Variants in CACNA2D3 observed in about 807,000 individuals in gnomAD.
The protein encoded by CACNA2D3 is voltage-dependent calcium channel subunit alpha-2/delta-3.
In CACNA2D3, 60 loss-of-function variants were observed where a neutral mutation model predicts 160.6. The ratio of observed to expected loss-of-function variants is 0.37; its 90% confidence interval spans 0.30 to 0.46. The LOEUF is 0.46. CACNA2D3 is among the 20% of genes least tolerant of loss of function. The pLI is 1.00. For missense variants in CACNA2D3, 1,205 were observed against 1,365.0 expected, an observed-to-expected ratio of 0.88 and a Z score of 1.85; for synonymous variants, 558 against 492.9, an observed-to-expected ratio of 1.13 and a Z score of -1.75.
At chr3:54,589,732 G>A (rs1299262929) in intron 9 of CACNA2D3, among the ~76,000 whole-genome samples, 1 of 152,110 alleles carries the variant, frequency 6.6e-6, no homozygotes, top group Non-Finnish European at 1.5e-5. Flanking sequence ...ATTTAAAAAT[G>A]GGCAAAAGCC....
At chr3:54,319,189 CA>C (rs1703934308) in intron 2 of CACNA2D3, among the ~76,000 whole-genome samples, 1 of 151,196 alleles carries the variant, frequency 6.6e-6, no homozygotes, top group African/African-American at 2.4e-5. Context: ...CACACACACA[CA>C]CACACACACA....
chr3:54,902,098 G>A (rs1197157860), intron 27 of CACNA2D3, among the ~76,000 whole-genome samples: 1 of 152,194 alleles, frequency 6.6e-6, no homozygotes, highest in African/African-American at 2.4e-5. Context: ...CAGCAGATGG[G>A]AGACAGCCGA....
intron 13 of CACNA2D3, among the ~76,000 whole-genome samples, chr3:54,813,968 G>T (rs1031672596): frequency 2.0e-5 from 3 of 150,444 alleles, no homozygotes; most frequent in African/African-American, 7.3e-5. Context: ...GGGCTCAGGT[G>T]ATTCTCCCCA....
chr3:54,160,963 A>G lies in CACNA2D3; in HGVS notation c.204+37369A>G, dbSNP rs960626395. Among the ~76,000 whole-genome samples the G allele has an allele frequency of 3.3e-5, 5 of 152,340 alleles. No homozygotes were observed. The South Asian group carries it at 6.2e-4, about 19-fold the overall frequency. On this transcript the variant is annotated intron_variant, in intron 2 of 37. Transcript: ENST00000474759. ...AAAAACATGAGCAAAGGCGAAGTCC[A>G]GCAGGCGAGTCCAGTGTGGGGAGGC... is the stretch of plus-strand genomic sequence containing the variant.
chr3:54,909,864 T>G (rs1462795083), intron 27 of CACNA2D3, among the ~76,000 whole-genome samples: 1 of 151,848 alleles, frequency 6.6e-6, no homozygotes, highest in Non-Finnish European at 1.5e-5. Flanking sequence ...AGAAGACAAT[T>G]CTTCTTCTTC....
At chr3:54,687,147 T>TTTTTTTTTTG (rs1700478300) in intron 11 of CACNA2D3, among the ~76,000 whole-genome samples, 1 of 79,412 alleles carries the variant, frequency 1.3e-5, no homozygotes, top group Non-Finnish European at 2.8e-5. Context: ...TTTTTTTTTT[T>TTTTTTTTTTG]TTTGTTTTTT....
At chr3:54,906,830 T>C (rs1358804276) in intron 27 of CACNA2D3, among the ~76,000 whole-genome samples, 4 of 152,194 alleles carry the variant, frequency 2.6e-5, no homozygotes, top group African/African-American at 7.2e-5. Flanking sequence ...GCAAACTTTA[T>C]AGAAATGGGT....
intron 17 of CACNA2D3, among the ~76,000 whole-genome samples, chr3:54,848,863 G>A (rs79003334): frequency 0.016 from 2,381 of 152,300 alleles, 64 homozygotes; most frequent in African/African-American, 0.055. Context: ...TGTTGTCACA[G>A]TAAATGAGAT....
chr3:54,722,801 C>T (rs1276869570), intron 11 of CACNA2D3, among the ~76,000 whole-genome samples: 1 of 152,174 alleles, frequency 6.6e-6, no homozygotes, highest in African/African-American at 2.4e-5. Flanking sequence ...AGATGCCAGC[C>T]AGAGCTCTCC....
chr3:54,642,238 A>C lies in CACNA2D3; in HGVS notation c.1164A>C (p.Arg388=). 6.2e-7 allele frequency: 1 copy of C among 1,600,030 alleles called. No individual in the cohort carries two copies. Among genetic ancestry groups the C allele is most frequent in the Non-Finnish European group, 8.5e-7 (1 of 1,169,672 alleles). ...TIFAKYNWPD[R]KVRIFTYLIG... is the part of the protein sequence containing the mutation. ...TTGCAAAATACAATTGGCCAGATCG[A>C]AAGGTAAGTTGATGCTGATCCCGTC... Residue 388 remains arginine, a synonymous_variant, in exon 11 of 38, where the codon CGA becomes CGC. Transcript: ENST00000474759.
At chr3:54,151,067 A>G (rs1430282262) in intron 2 of CACNA2D3, among the ~76,000 whole-genome samples, 1 of 150,672 alleles carries the variant, frequency 6.6e-6, no homozygotes, top group Non-Finnish European at 1.5e-5. Flanking sequence ...GTGTGGGTGG[A>G]TAGATGAATG....
chr3:54,187,349 C>CT (rs1553748424), intron 2 of CACNA2D3, among the ~76,000 whole-genome samples: 5 of 152,164 alleles, frequency 3.3e-5, no homozygotes, highest in Non-Finnish European at 4.4e-5. Context: ...TAGACAGAAA[C>CT]TACAGAGATT....
intron 20 of CACNA2D3, among the ~76,000 whole-genome samples, 171 bp downstream of exon 20, chr3:54,879,582 G>C (rs78258914): frequency 0.05 from 7,588 of 152,226 alleles, 267 homozygotes; most frequent in Non-Finnish European, 0.076. Flanking sequence ...TTCCAGAAGG[G>C]GGGGAGATGG....
At chr3:54,515,783 G>T (rs1474766105) in intron 5 of CACNA2D3, among the ~76,000 whole-genome samples, 5 of 152,200 alleles carry the variant, frequency 3.3e-5, no homozygotes, top group Non-Finnish European at 7.3e-5. Flanking sequence ...AGAACATTCT[G>T]CACTTGGGAA....
intron 2 of CACNA2D3, among the ~76,000 whole-genome samples, chr3:54,158,699 C>G (rs1700286538): frequency 6.6e-6 from 1 of 152,170 alleles, no homozygotes; most frequent in Non-Finnish European, 1.5e-5. Context: ...GGAGAGAGAG[C>G]ACTTCCTCTT....
intron 13 of CACNA2D3, among the ~76,000 whole-genome samples, chr3:54,785,454 A>AT (rs1463340898): frequency 3.3e-5 from 5 of 151,840 alleles, no homozygotes; most frequent in Admixed American, 2.0e-4. Flanking sequence ...CATTTTATTT[A>AT]TTTTTTTTGG....
At chr3:54,658,155 A>G (rs1003220771) in intron 11 of CACNA2D3, among the ~76,000 whole-genome samples, 12 of 152,248 alleles carry the variant, frequency 7.9e-5, no homozygotes, top group African/African-American at 2.4e-4. Flanking sequence ...GTATACAGAT[A>G]ACCTCTTTGA....
At chr3:54,342,865 C>T (rs543152817) in intron 3 of CACNA2D3, among the ~76,000 whole-genome samples, 20 of 152,180 alleles carry the variant, frequency 1.3e-4, no homozygotes, top group Admixed American at 1.0e-3. Flanking sequence ...TCGGGCTGTG[C>T]GGGGCTTGGC....
At chr3:54,977,443 A>G (rs116741211) in intron 29 of CACNA2D3, among the ~76,000 whole-genome samples, 1 of 152,272 alleles carries the variant, frequency 6.6e-6, no homozygotes, top group African/African-American at 2.4e-5. Context: ...TTTGCCTTGT[A>G]CCTGTATTGC....
Sources: gnomAD v4.1 joint callset for allele counts (sites outside exome capture counted in the v4.1 genomes callset) on GRCh38, gnomAD v4.1.1 for gene constraint, MANE v1.5 for transcripts, NCBI Gene and HGNC (gene_info 2026-07-23, HGNC 2026-07-21) for gene names.